Variants in PCDH9 observed in about 807,000 individuals in gnomAD.
PCDH9 encodes protocadherin 9.
In PCDH9, 24 loss-of-function variants were observed where a neutral mutation model predicts 70.6. The observed-to-expected ratio is 0.34, with a 90% CI of 0.25 to 0.48. The LOEUF is 0.48. Among genes scored for constraint, PCDH9 ranks in the 20% least tolerant of loss-of-function variants. The probability of loss-of-function intolerance (pLI) is 0.99; values close to 1 mark genes in which losing one functional copy is unlikely to be tolerated. For synonymous variants in PCDH9, 562 were observed against 558.5 expected, an observed-to-expected ratio of 1.01 and a Z score of -0.09; for missense variants, 1,281 against 1,503.6, an observed-to-expected ratio of 0.85 and a Z score of 2.45.
intron 2 of PCDH9, 114 bp from the exon 3 acceptor site, chr13:66,903,719 G>T: frequency 6.2e-6 from 3 of 485,816 alleles, no homozygotes. Context: ...AGCTAACAAG[G>T]GTCCACACCC....
At chr13:66,542,440 C>T (rs1301705657) in intron 4 of PCDH9, among the ~76,000 whole-genome samples, 1 of 151,748 alleles carries the variant, frequency 6.6e-6, no homozygotes, top group East Asian at 1.9e-4. Context: ...GTGGGTGTGC[C>T]TTGTCCAATC....
intron 4 of PCDH9, among the ~76,000 whole-genome samples, chr13:66,351,876 A>G (rs1202169211): frequency 1.4e-5 from 2 of 145,034 alleles, no homozygotes; most frequent in South Asian, 2.2e-4. Context: ...ATTCACTCTT[A>G]TTGCCAAGGC....
chr13:66,469,628 C>A (rs995753922), intron 4 of PCDH9, among the ~76,000 whole-genome samples: 1 of 151,970 alleles, frequency 6.6e-6, no homozygotes, highest in African/African-American at 2.4e-5. Context: ...TATGCCACAG[C>A]GTGTTTTAAT....
chr13:67,205,754 C>T (rs995067454), intron 2 of PCDH9: 3 of 152,126 alleles, frequency 2.0e-5, no homozygotes, highest in African/African-American at 7.2e-5. Flanking sequence ...TTCATTTTAA[C>T]CTTTAAATGG....
At chr13:66,962,469 G>A (rs2083364285) in intron 2 of PCDH9, among the ~76,000 whole-genome samples, 1 of 152,132 alleles carries the variant, frequency 6.6e-6, no homozygotes, top group Non-Finnish European at 1.5e-5. Context: ...GTCATTGTGG[G>A]AACATCACAG....
At chr13:66,381,809 G>C (rs917622191) in intron 4 of PCDH9, among the ~76,000 whole-genome samples, 2 of 152,142 alleles carry the variant, frequency 1.3e-5, no homozygotes, top group African/African-American at 4.8e-5. Flanking sequence ...TGTATGAGTA[G>C]TTTTAAAACT....
At chr13:67,185,835 C>A (rs1190325318) in intron 2 of PCDH9, among the ~76,000 whole-genome samples, 1 of 152,184 alleles carries the variant, frequency 6.6e-6, no homozygotes, top group Non-Finnish European at 1.5e-5. Flanking sequence ...CGGATTCAAG[C>A]AGTTCTCCTG....
chr13:66,905,894 A>C (rs2082352283), intron 2 of PCDH9, among the ~76,000 whole-genome samples: 1 of 152,000 alleles, frequency 6.6e-6, no homozygotes, highest in Non-Finnish European at 1.5e-5. Flanking sequence ...ACAAGTGTTC[A>C]CTCTATTTTG....
chr13:66,397,714 T>C (rs939428322), intron 4 of PCDH9, among the ~76,000 whole-genome samples: 1 of 151,754 alleles, frequency 6.6e-6, no homozygotes, highest in African/African-American at 2.4e-5. Context: ...TGTTCCATGT[T>C]ATCATTGGTG....
intron 4 of PCDH9, among the ~76,000 whole-genome samples, chr13:66,401,083 A>G (rs962195852): frequency 6.6e-6 from 1 of 152,216 alleles, no homozygotes; most frequent in Non-Finnish European, 1.5e-5. Flanking sequence ...TGGTATGATT[A>G]TGTGGTATGC....
At chr13:66,695,863 C>T (rs1178453973) in intron 3 of PCDH9, among the ~76,000 whole-genome samples, 1 of 151,954 alleles carries the variant, frequency 6.6e-6, no homozygotes, top group East Asian at 1.9e-4. Context: ...ATTAGCATGG[C>T]TATTTTAATA....
intron 4 of PCDH9, among the ~76,000 whole-genome samples, chr13:66,591,224 T>G (rs531716420): frequency 6.6e-6 from 1 of 151,910 alleles, no homozygotes; most frequent in African/African-American, 2.4e-5. Context: ...AGACCTAGTT[T>G]ATTGTTTTGC....
chr13:66,613,245 C>A (rs7334597), intron 4 of PCDH9, among the ~76,000 whole-genome samples: 1 of 152,086 alleles, frequency 6.6e-6, no homozygotes, highest in South Asian at 2.1e-4. Flanking sequence ...TGCAGACTTC[C>A]CCGTCCCTGG....
intron 3 of PCDH9, among the ~76,000 whole-genome samples, chr13:66,754,767 T>C (rs567002446): frequency 1.3e-5 from 2 of 152,260 alleles, no homozygotes; most frequent in South Asian, 4.1e-4. Context: ...AAATAATACA[T>C]CATACTGGTA....
At chr13:67,004,762 T>C (rs778999264) in intron 2 of PCDH9, among the ~76,000 whole-genome samples, 7 of 152,082 alleles carry the variant, frequency 4.6e-5, no homozygotes, top group Non-Finnish European at 7.4e-5. Flanking sequence ...TTCAGTTTTC[T>C]TGGCAGAAAG....
chr13:66,393,457 G>T (rs180813424), intron 4 of PCDH9, among the ~76,000 whole-genome samples: 3 of 152,156 alleles, frequency 2.0e-5, no homozygotes, highest in Admixed American at 1.3e-4. Context: ...CTGATACCTG[G>T]CTGGAGAACA....
rs576441851 is a variant in PCDH9, at chr13:66,988,204, A to G, written c.3037-84599T>C. On this transcript the variant is annotated intron_variant, in intron 2 of 4. Coordinates refer to ENST00000377865, the MANE Select transcript of PCDH9 (RefSeq NM_203487.3). Reference sequence around the variant, plus strand: ...TAAAGTCTTTACTTCCTAAGAAATGAAAGTTGACTGGGAAATATTTCTTAG... The same window carrying G: ...TAAAGTCTTTACTTCCTAAGAAATGGAAGTTGACTGGGAAATATTTCTTAG... Among the ~76,000 whole-genome samples the G allele has an allele frequency of 1.8e-4, 27 of 152,204 alleles. No individual in the cohort carries two copies. In the South Asian group the frequency reaches 2.1e-3, roughly 12 times the overall value.
At chr13:66,928,351 T>C (rs939114041) in intron 2 of PCDH9, among the ~76,000 whole-genome samples, 2 of 152,160 alleles carry the variant, frequency 1.3e-5, no homozygotes, top group African/African-American at 4.8e-5. Flanking sequence ...TCAGACACTC[T>C]ATTCTGTCTG....
intron 3 of PCDH9, among the ~76,000 whole-genome samples, chr13:66,902,962 A>C (rs1012379494): frequency 6.6e-6 from 1 of 151,852 alleles, no homozygotes; most frequent in Non-Finnish European, 1.5e-5. Context: ...TAACTTTTTT[A>C]AAAAAGAAAG....
Sources: allele counts gnomAD v4.1 joint callset (sites outside exome capture counted in the v4.1 genomes callset), GRCh38; gene constraint gnomAD v4.1.1; transcripts MANE v1.5; gene names NCBI Gene and HGNC (gene_info 2026-07-23, HGNC 2026-07-21).